The following B3GAT1 variants were observed in gnomAD, a reference collection of about 807,000 sequenced individuals.
B3GAT1 encodes the protein galactosylgalactosylxylosylprotein 3-beta-glucuronosyltransferase 1.
Under a neutral mutation model 28.4 loss-of-function variants are expected in B3GAT1, and 11 were observed. The ratio of observed to expected loss-of-function variants is 0.39; its 90% CI spans 0.24 to 0.64. The LOEUF is 0.64. Ranked by LOEUF, B3GAT1 falls within the 30% of genes least tolerant of loss-of-function variation. The pLI, the probability that B3GAT1 is intolerant of heterozygous loss-of-function variation, is 0.50. For missense variants in B3GAT1, 375 were observed against 491.0 expected (o/e 0.76, Z 2.23); for synonymous variants, 255 against 223.1 (o/e 1.14, Z -1.27).
chr11:134,388,293 G>A, intron 1 of B3GAT1: 1 of 216,232 alleles, frequency 4.6e-6, no homozygotes, highest in Non-Finnish European at 9.7e-6. Flanking sequence ...CTATAAAATG[G>A]GGCACTGTGG....
intron 1 of B3GAT1, among the ~76,000 whole-genome samples, chr11:134,403,992 T>C (rs1280292864): frequency 1.9e-5 from 1 of 53,824 alleles, no homozygotes; most frequent in Non-Finnish European, 4.1e-5. Flanking sequence ...TTTATATATA[T>C]ATATATATAT....
In B3GAT1 at chr11:134,378,678, A is replaced by C. The variant is rs1944064060; in HGVS notation, c.*2084T>G. On this transcript the variant is annotated 3_prime_UTR_variant, in exon 6 of 6. Coordinates refer to ENST00000312527, the MANE Select transcript of B3GAT1 (RefSeq NM_054025.3). ...TGGTGGGGCTTGCCAGCGAGGGAGC[A>C]GGGAACAGACTGGGTTTGGAAAACA... 1 of 152,248 alleles carries C rather than the reference A, an allele frequency of 6.6e-6. No homozygotes were observed. The highest frequency in any genetic ancestry group is 6.5e-5 in the Admixed American group (1 of 15,284). 9.4% of individuals were successfully genotyped at this position (152,248 alleles called of 1,614,324 possible).
At chr11:134,405,566 A>T (rs1027387458) in intron 1 of B3GAT1, among the ~76,000 whole-genome samples, 2 of 152,042 alleles carry the variant, frequency 1.3e-5, no homozygotes, top group Admixed American at 6.5e-5. Flanking sequence ...CGTCTGAGGG[A>T]GAAGAGAGGA....
In B3GAT1 at chr11:134,383,930, G is replaced by C; in HGVS notation, c.371C>G (p.Pro124Arg). Residue 124 changes from proline (P) to arginine (R), a missense_variant, in exon 3 of 6, where the codon CCG (proline) becomes CGG (arginine). Coordinates refer to ENST00000312527, the MANE Select transcript of B3GAT1 (RefSeq NM_054025.3). ...GCGCGCGGTCAGCGGCGTCCGGCGC[G>C]GCGCATCCTCCACCACCAGCCAGTG... Reference protein sequence around the residue: ...NLHWLVVEDAPRRTPLTARLL... With the variant: ...NLHWLVVEDARRRTPLTARLL... 6.3e-7 allele frequency: 1 copy of C among 1,596,498 alleles called. No homozygotes were observed. The highest frequency in any genetic ancestry group is 1.1e-5 in the South Asian group (1 of 90,352).
intron 1 of B3GAT1, among the ~76,000 whole-genome samples, chr11:134,409,245 T>A (rs1469410122): frequency 1.3e-5 from 2 of 152,162 alleles, no homozygotes; most frequent in East Asian, 3.9e-4. Flanking sequence ...CAAGGGCCTG[T>A]CCCCACTGCA....
chr11:134,384,526 C>T, intron 2 of B3GAT1: 1 of 337,974 alleles, frequency 3.0e-6, no homozygotes, highest in East Asian at 4.9e-5. Flanking sequence ...CCGACCCTCC[C>T]CTCCCTAGCC....
intron 1 of B3GAT1, chr11:134,388,162 A>G (rs1944336954): frequency 2.9e-6 from 1 of 343,724 alleles, no homozygotes; most frequent in Admixed American, 3.8e-5. Flanking sequence ...GAAAGTCAGT[A>G]GGGTGCAGGG....
intron 1 of B3GAT1, among the ~76,000 whole-genome samples, chr11:134,407,935 T>G (rs150394448): frequency 2.0e-4 from 30 of 151,924 alleles, no homozygotes; most frequent in African/African-American, 7.2e-4. Context: ...TCAGCATGGA[T>G]AAGAAGGGCT....
chr11:134,396,562 T>C (rs1944508246), intron 1 of B3GAT1, among the ~76,000 whole-genome samples: 1 of 152,146 alleles, frequency 6.6e-6, no homozygotes, highest in Non-Finnish European at 1.5e-5. Flanking sequence ...GGGCCTTCAT[T>C]TTCCCATCTG....
chr11:134,385,040 G>T (rs1944242985), intron 2 of B3GAT1: 1 of 152,214 alleles, frequency 6.6e-6, no homozygotes, highest in Non-Finnish European at 1.5e-5. Flanking sequence ...GCCCACTTCT[G>T]CCGTTACGAA....
intron 3 of B3GAT1, among the ~76,000 whole-genome samples, chr11:134,383,345 C>T (rs1336336534): frequency 6.6e-6 from 1 of 152,190 alleles, no homozygotes. Flanking sequence ...GAGACTAACA[C>T]AGCCCATATA....
chr11:134,396,482 C>T (rs1444856014), intron 1 of B3GAT1, among the ~76,000 whole-genome samples: 1 of 152,224 alleles, frequency 6.6e-6, no homozygotes, highest in Non-Finnish European at 1.5e-5. Flanking sequence ...AACCCCACAG[C>T]CAGACGACCC....
At chr11:134,401,976 G>GA (rs1386103058) in intron 1 of B3GAT1, among the ~76,000 whole-genome samples, 1 of 123,668 alleles carries the variant, frequency 8.1e-6, no homozygotes, top group African/African-American at 2.7e-5. Context: ...GGGGCGGGGG[G>GA]GGGCGGGCAG....
At chr11:134,387,184 C>G (rs78488408) in intron 2 of B3GAT1, 14,464 of 236,374 alleles carry the variant, frequency 0.061, 573 homozygotes, top group South Asian at 0.1. Flanking sequence ...CAAAACCACA[C>G]TAAAGACTCC....
chr11:134,394,557 C>T (rs139078452), intron 1 of B3GAT1, among the ~76,000 whole-genome samples: 35 of 152,358 alleles, frequency 2.3e-4, no homozygotes, highest in Admixed American at 1.0e-3. Flanking sequence ...CCTCAGTGGT[C>T]GGGCCGAGTG....
At chr11:134,383,242 C>T (rs1944177770) in intron 3 of B3GAT1, among the ~76,000 whole-genome samples, 1 of 152,164 alleles carries the variant, frequency 6.6e-6, no homozygotes, top group South Asian at 2.1e-4. Context: ...CCTGGTCTTC[C>T]CCTTCTCAGC....
intron 1 of B3GAT1, among the ~76,000 whole-genome samples, chr11:134,407,856 G>GT (rs1328308481): frequency 6.6e-6 from 1 of 152,050 alleles, no homozygotes; most frequent in Non-Finnish European, 1.5e-5. Flanking sequence ...CTCCAACACC[G>GT]TAAGTGCTTG....
intron 1 of B3GAT1, among the ~76,000 whole-genome samples, chr11:134,401,432 C>G (rs1008770111): frequency 1.3e-5 from 2 of 152,120 alleles, no homozygotes; most frequent in African/African-American, 2.4e-5. Flanking sequence ...TTTTTTGCAG[C>G]AACATGGTTG....
In B3GAT1 at chr11:134,379,251, G is replaced by C. The variant is rs1236567511; in HGVS notation, c.*1511C>G. 1 of 152,036 alleles carries C rather than the reference G, an allele frequency of 6.6e-6. No individual in the cohort carries two copies. The highest frequency in any genetic ancestry group is 1.5e-5 in the Non-Finnish European group (1 of 67,954). The allele number at this position is 152,036 out of a possible 1,614,324, so 9.4% of individuals were successfully genotyped here. A position where few individuals can be genotyped will look rare whatever the true frequency, so the allele number is the denominator to read the frequency against. ...CCACCCACCCACCCACTCAGGAGTG[G>C]GTTCTGAATGGCCCTCAGACCTCTC... On this transcript the variant is annotated 3_prime_UTR_variant, in exon 6 of 6. Coordinates refer to ENST00000312527, the MANE Select transcript of B3GAT1 (RefSeq NM_054025.3).
Sources: allele counts gnomAD v4.1 joint callset (sites outside exome capture counted in the v4.1 genomes callset), GRCh38; gene constraint gnomAD v4.1.1; transcripts MANE v1.5; gene names NCBI Gene and HGNC (gene_info 2026-07-23, HGNC 2026-07-21).